Variants in HECW2 observed in about 807,000 individuals in gnomAD.
The protein encoded by HECW2 is HECT, C2 and WW domain containing E3 ubiquitin protein ligase 2, also known as E3 ubiquitin-protein ligase HECW2.
In HECW2, 61 loss-of-function variants were observed where a neutral mutation model predicts 175.2. The observed-to-expected ratio is 0.35, with a 90% CI of 0.28 to 0.43. The LOEUF (loss-of-function observed/expected upper bound fraction) is 0.43. Among genes scored for constraint, HECW2 ranks in the 20% least tolerant of loss-of-function variants. The probability of loss-of-function intolerance (pLI) is 1.00; values close to 1 mark genes in which losing one functional copy is unlikely to be tolerated. For synonymous variants in HECW2, 671 were observed against 731.0 expected, an observed-to-expected ratio of 0.92 and a Z score of 1.32; for missense variants, 1,524 against 2,000.5, an observed-to-expected ratio of 0.76 and a Z score of 4.54.
At chr2:196,420,719 G>A (rs757280782) in intron 2 of HECW2, among the ~76,000 whole-genome samples, 11 of 151,978 alleles carry the variant, frequency 7.2e-5, no homozygotes, top group Non-Finnish European at 1.5e-4. Context: ...TTGTACTCTG[G>A]TGCTGCTGAT....
At chr2:196,460,567 C>T (rs1184536740) in intron 1 of HECW2, among the ~76,000 whole-genome samples, 1 of 148,306 alleles carries the variant, frequency 6.7e-6, no homozygotes, top group African/African-American at 2.5e-5. Context: ...TAATTTTTTG[C>T]TTTTCTCCCA....
intron 13 of HECW2, among the ~76,000 whole-genome samples, chr2:196,305,444 A>G (rs1193261294): frequency 6.6e-6 from 1 of 152,166 alleles, no homozygotes; most frequent in Non-Finnish European, 1.5e-5. Flanking sequence ...TAACATAAGT[A>G]AATATGTATT....
At chr2:196,370,972 A>C (rs1032609176) in intron 2 of HECW2, among the ~76,000 whole-genome samples, 11 of 152,212 alleles carry the variant, frequency 7.2e-5, no homozygotes, top group Non-Finnish European at 1.6e-4. Flanking sequence ...CAGTGGCATG[A>C]AATTAAAACC....
intron 17 of HECW2, among the ~76,000 whole-genome samples, chr2:196,270,898 G>A (rs184850873): frequency 6.6e-6 from 1 of 152,218 alleles, no homozygotes; most frequent in Admixed American, 6.5e-5. Context: ...GTTTCACCAT[G>A]TTGGGCAGGA....
At chr2:196,218,630 T>A (rs1240526279) in intron 26 of HECW2, among the ~76,000 whole-genome samples, 1 of 152,034 alleles carries the variant, frequency 6.6e-6, no homozygotes, top group Non-Finnish European at 1.5e-5. Context: ...CTGGCCAACA[T>A]GGTGAAACCC....
chr2:196,546,441 T>C (rs1450259508), intron 1 of HECW2, among the ~76,000 whole-genome samples: 1 of 152,248 alleles, frequency 6.6e-6, no homozygotes, highest in African/African-American at 2.4e-5. Flanking sequence ...TTTACCAGAA[T>C]ATCTGGCTTG....
intron 2 of HECW2, among the ~76,000 whole-genome samples, chr2:196,380,432 T>C (rs568426792): frequency 2.0e-5 from 3 of 152,366 alleles, no homozygotes; most frequent in South Asian, 4.1e-4. Context: ...AAGCCTGCTA[T>C]GCACATCTCT....
At chr2:196,391,070 G>T (rs115316927) in intron 2 of HECW2, among the ~76,000 whole-genome samples, 1 of 152,122 alleles carries the variant, frequency 6.6e-6, no homozygotes, top group Non-Finnish European at 1.5e-5. Context: ...ATTTGCAAGT[G>T]GATTTAGTCA....
chr2:196,529,414 C>CT (rs370160712), intron 1 of HECW2, among the ~76,000 whole-genome samples: 52,190 of 151,998 alleles, frequency 0.34, 12,186 homozygotes, highest in African/African-American at 0.67. Context: ...GGATTCTGGT[C>CT]TTCCACCACT....
chr2:196,317,332 T>A lies in HECW2; in HGVS notation c.2376A>T (p.Leu792=). ...GGCTAACATCCTGGCGCACTGAAGG[T>A]AGTGATCGCAGTGGCTGGTGGCCGT... is the stretch of plus-strand genomic sequence containing the variant. ...QANGHQPLRS[L]PSVRQDVSRY... The change falls in exon 10 of 29, where the codon CTA becomes CTT. Residue 792 remains leucine (L), a synonymous_variant. Transcript: ENST00000644978. 1.2e-6 allele frequency: 2 copies of A among 1,613,474 alleles called. No individual in the cohort carries two copies. Among genetic ancestry groups the A allele is most frequent in the Non-Finnish European group, 1.7e-6 (2 of 1,179,780 alleles).
intron 1 of HECW2, among the ~76,000 whole-genome samples, chr2:196,491,497 T>TAC (rs1201078662): frequency 8.2e-5 from 10 of 121,970 alleles, no homozygotes; most frequent in African/African-American, 4.1e-4. Flanking sequence ...CACATATATA[T>TAC]ATATACACAC....
chr2:196,466,030 C>T (rs542414421), intron 1 of HECW2, among the ~76,000 whole-genome samples: 1 of 152,180 alleles, frequency 6.6e-6, no homozygotes, highest in Non-Finnish European at 1.5e-5. Flanking sequence ...CTCTAACAGA[C>T]TGGCTGTTAA....
rs188131232 is a variant in HECW2 at position 196,543,617 on chromosome 2, T to C, written c.-36+49891A>G. ...GGTTTAAAAACTTTTCTTTTTTTAT[T>C]TTTTTTTTCTTTTGAGATGGAGTCT... is the stretch of plus-strand genomic sequence containing the variant. On this transcript the variant is annotated intron_variant, in intron 1 of 28. Transcript: ENST00000644978. Among the ~76,000 whole-genome samples the C allele has an allele frequency of 4.0e-5, 6 of 151,692 alleles. No individual in the cohort carries two copies. In the East Asian group the frequency reaches 1.2e-3, roughly 29 times the overall value.
intron 1 of HECW2, among the ~76,000 whole-genome samples, chr2:196,487,677 G>A (rs1159872379): frequency 6.6e-6 from 1 of 152,184 alleles, no homozygotes; most frequent in Non-Finnish European, 1.5e-5. Context: ...GGTCTTCTAA[G>A]AGAACAGCCA....
chr2:196,540,907 T>G (rs1338808489), intron 1 of HECW2, among the ~76,000 whole-genome samples: 2 of 152,188 alleles, frequency 1.3e-5, no homozygotes, highest in East Asian at 3.9e-4. Context: ...GAGAATGTGA[T>G]TATCAGGAAC....
rs757441461 is a variant in HECW2 at position 196,322,540 on chromosome 2, G to A, written c.822C>T (p.Ile274=). ...TGGTTAGTTTCCCCAGAAAACGCTTGATGATGGGACGGCTCTTGGCAAATT... is the reference window on the plus strand; with the variant it reads ...TGGTTAGTTTCCCCAGAAAACGCTTAATGATGGGACGGCTCTTGGCAAATT... The part of the protein sequence containing the change: ...KDKFAKSRPI[I]KRFLGKLTIP... Residue 274 remains isoleucine (I), a synonymous_variant, in exon 7 of 29, where the codon ATC becomes ATT. Transcript: ENST00000644978. The A allele has an allele frequency of 4.1e-5, 66 of 1,613,876 alleles. No individual in the cohort carries two copies. Among genetic ancestry groups the A allele is most frequent in the Non-Finnish European group, 5.5e-5 (65 of 1,179,890 alleles).
chr2:196,373,460 C>T (rs1693960609), intron 2 of HECW2, among the ~76,000 whole-genome samples: 2 of 152,172 alleles, frequency 1.3e-5, no homozygotes, highest in African/African-American at 4.8e-5. Flanking sequence ...TGGCATTCAT[C>T]CAAAATGTCC....
chr2:196,557,991 A>G (rs1049550084), intron 1 of HECW2, among the ~76,000 whole-genome samples: 2 of 152,236 alleles, frequency 1.3e-5, no homozygotes, highest in African/African-American at 4.8e-5. Flanking sequence ...ACCATATACT[A>G]AACACTTCAC....
At chr2:196,258,999 G>A (rs1221460979) in intron 17 of HECW2, among the ~76,000 whole-genome samples, 2 of 152,046 alleles carry the variant, frequency 1.3e-5, no homozygotes, top group African/African-American at 4.8e-5. Flanking sequence ...TTTGAGACAG[G>A]GCCTTACTCT....
Sources: allele counts gnomAD v4.1 joint callset (sites outside exome capture counted in the v4.1 genomes callset), GRCh38; gene constraint gnomAD v4.1.1; transcripts MANE v1.5; gene names NCBI Gene and HGNC (gene_info 2026-07-23, HGNC 2026-07-21).